The following SMYD3 variants were observed in gnomAD, a reference collection of about 807,000 sequenced individuals.
SMYD3 encodes the protein histone-lysine N-methyltransferase SMYD3.
Under a neutral mutation model 57.7 loss-of-function variants are expected in SMYD3, and 36 were observed. That is an observed-to-expected ratio of 0.62 (90% CI 0.48 to 0.82). SMYD3 has a LOEUF of 0.82. Ranked by LOEUF, SMYD3 falls within the 40% of genes least tolerant of loss-of-function variation. The probability of loss-of-function intolerance (pLI) is 0.00; values close to 1 mark genes in which losing one functional copy is unlikely to be tolerated. For synonymous variants in SMYD3, 211 were observed against 195.0 expected (o/e 1.08, Z -0.68); for missense variants, 515 against 538.8 (o/e 0.96, Z 0.44).
chr1:246,134,086 A>C (rs370144033), intron 5 of SMYD3, among the ~76,000 whole-genome samples: 19 of 152,078 alleles, frequency 1.2e-4, no homozygotes, highest in African/African-American at 3.4e-4. Context: ...TGACATTTTA[A>C]TTTTCCTTTA....
Position 245,941,977 on chromosome 1 carries a change from A to G in SMYD3, c.532-12040T>C, listed in dbSNP as rs184298680. ...CTACCTTGCAAGAGCTCCTAAAGGA[A>G]GCACTAAATAAGGAAAGGAAAAACT... On this transcript the variant is annotated intron_variant, in intron 5 of 11. Coordinates refer to ENST00000490107, the MANE Select transcript of SMYD3 (RefSeq NM_001167740.2). 1.6e-4 allele frequency among the ~76,000 whole-genome samples: 24 copies of G among 152,348 alleles called. No individual in the cohort carries two copies. The East Asian group carries it at 4.6e-3, about 29-fold the overall frequency.
intron 7 of SMYD3, among the ~76,000 whole-genome samples, chr1:245,920,109 T>C (rs4654070): frequency 0.21 from 31,167 of 151,826 alleles, 3,641 homozygotes; most frequent in East Asian, 0.41. Flanking sequence ...GTCAGGAGAT[T>C]GAGACCATCC....
chr1:246,088,126 G>A lies in SMYD3; in HGVS notation c.532-158189C>T, dbSNP rs545296774. On this transcript the variant is annotated intron_variant, in intron 5 of 11. Transcript: ENST00000490107. ...TGTAGACTGTCCCTATCTACAGCGA[G>A]CGCCATGCACTTATGAGCAGGAAAC... is the stretch of plus-strand genomic sequence containing the variant. Among the ~76,000 whole-genome samples, 31 of 152,134 alleles carry A rather than the reference G, an allele frequency of 2.0e-4. No individual in the cohort carries two copies. The East Asian group carries it at 5.4e-3, about 27-fold the overall frequency.
chr1:246,196,655 A>AAAAAC (rs1665370217), intron 5 of SMYD3, among the ~76,000 whole-genome samples: 1 of 152,226 alleles, frequency 6.6e-6, no homozygotes, highest in Admixed American at 6.5e-5. Flanking sequence ...TTCCCCAATG[A>AAAAAC]AAAACAAATT....
At chr1:246,364,847 C>T (rs1432185923) in intron 1 of SMYD3, among the ~76,000 whole-genome samples, 1 of 152,196 alleles carries the variant, frequency 6.6e-6, no homozygotes. Flanking sequence ...CACCACACTA[C>T]CATTCTTCAG....
chr1:246,335,622 G>T, intron 2 of SMYD3, 148 bp from the exon 3 acceptor site: 1 of 652,970 alleles, frequency 1.5e-6, no homozygotes, highest in Non-Finnish European at 2.6e-6. Flanking sequence ...TTCTAAATCT[G>T]AAAATAATCC....
chr1:246,010,300 C>T (rs1377490067), intron 5 of SMYD3, among the ~76,000 whole-genome samples: 1 of 151,788 alleles, frequency 6.6e-6, no homozygotes, highest in Non-Finnish European at 1.5e-5. Flanking sequence ...AAAAAGTGAC[C>T]CCCTGCTCTT....
intron 5 of SMYD3, among the ~76,000 whole-genome samples, chr1:246,154,110 T>C (rs2061984810): frequency 6.6e-6 from 1 of 152,214 alleles, no homozygotes; most frequent in Non-Finnish European, 1.5e-5. Context: ...TCAATCAATC[T>C]GGCATAGCTT....
rs889170940 is a variant in SMYD3 at position 246,281,782 on chromosome 1, C to T, written c.531+45419G>A. The stretch of plus-strand genomic sequence containing the variant: ...AGGCAAAGGCTTTGATTCCTGAGCA[C>T]AGACACCCATACGTGACTATGGAAA... On this transcript the variant is annotated intron_variant, in intron 5 of 11. Coordinates refer to ENST00000490107, the MANE Select transcript of SMYD3 (RefSeq NM_001167740.2). Among the ~76,000 whole-genome samples, 6 of 152,164 alleles carry T rather than the reference C, an allele frequency of 3.9e-5. No homozygotes were observed. In the East Asian group the frequency reaches 9.6e-4, roughly 24 times the overall value.
At chr1:245,934,397 T>C (rs1483581288) in intron 5 of SMYD3, among the ~76,000 whole-genome samples, 1 of 152,222 alleles carries the variant, frequency 6.6e-6, no homozygotes, top group Non-Finnish European at 1.5e-5. Flanking sequence ...AGGGTATATT[T>C]TTCTCTACCC....
At chr1:246,103,063 C>T (rs1189725793) in intron 5 of SMYD3, among the ~76,000 whole-genome samples, 8 of 152,098 alleles carry the variant, frequency 5.3e-5, no homozygotes, top group Non-Finnish European at 2.9e-5. Flanking sequence ...GGATTTATGT[C>T]TTGTATTTCT....
intron 5 of SMYD3, among the ~76,000 whole-genome samples, chr1:246,078,399 G>A (rs759631299): frequency 3.9e-5 from 6 of 152,120 alleles, no homozygotes; most frequent in African/African-American, 9.7e-5. Flanking sequence ...TTTAGGCACC[G>A]TGATAAGGAA....
At chr1:246,463,468 G>A (rs2103041248) in intron 1 of SMYD3, among the ~76,000 whole-genome samples, 1 of 151,982 alleles carries the variant, frequency 6.6e-6, no homozygotes, top group Admixed American at 6.6e-5. Context: ...TTAAACATGT[G>A]GAATTTCCAG....
At chr1:246,169,045 A>G (rs1220403229) in intron 5 of SMYD3, among the ~76,000 whole-genome samples, 2 of 152,180 alleles carry the variant, frequency 1.3e-5, no homozygotes. Flanking sequence ...CATTGCTTTA[A>G]TATGAAAAGA....
chr1:246,084,788 G>C (rs1174091912), intron 5 of SMYD3, among the ~76,000 whole-genome samples: 1 of 152,202 alleles, frequency 6.6e-6, no homozygotes, highest in Non-Finnish European at 1.5e-5. Flanking sequence ...GGCAACAAAA[G>C]AATGTAAATT....
At chr1:245,912,457 A>T (rs1230631912) in intron 8 of SMYD3, among the ~76,000 whole-genome samples, 1 of 152,194 alleles carries the variant, frequency 6.6e-6, no homozygotes, top group African/African-American at 2.4e-5. Flanking sequence ...ATTCAATGCA[A>T]TCCCTATTAA....
At chr1:246,493,475 G>A (rs767109583) in intron 1 of SMYD3, among the ~76,000 whole-genome samples, 1 of 152,126 alleles carries the variant, frequency 6.6e-6, no homozygotes, top group African/African-American at 2.4e-5. Context: ...TACTTACCCA[G>A]GCAGTAAAAA....
intron 5 of SMYD3, among the ~76,000 whole-genome samples, chr1:246,022,544 G>A (rs780003158): frequency 1.3e-5 from 2 of 152,134 alleles, no homozygotes; most frequent in Non-Finnish European, 2.9e-5. Flanking sequence ...TAAAACACTT[G>A]ACATATACGA....
intron 5 of SMYD3, among the ~76,000 whole-genome samples, chr1:245,970,336 T>C (rs2058266317): frequency 6.6e-6 from 1 of 152,188 alleles, no homozygotes; most frequent in Non-Finnish European, 1.5e-5. Context: ...ACTTCAATGT[T>C]AGGCCTAAAA....
Sources: allele counts gnomAD v4.1 joint callset (sites outside exome capture counted in the v4.1 genomes callset), GRCh38; gene constraint gnomAD v4.1.1; transcripts MANE v1.5; gene names NCBI Gene and HGNC (gene_info 2026-07-23, HGNC 2026-07-21).